The following FBXL5 variants were observed in gnomAD, a reference collection of about 807,000 sequenced individuals.
FBXL5 encodes F-box/LRR-repeat protein 5.
In FBXL5, 26 loss-of-function variants were observed where a neutral mutation model predicts 78.3. That is an observed-to-expected ratio of 0.33 (90% CI 0.24 to 0.46). The LOEUF is 0.46. Among genes scored for constraint, FBXL5 ranks in the 20% least tolerant of loss-of-function variants. FBXL5 has a pLI of 1.00. For synonymous variants in FBXL5, 295 were observed against 282.5 expected, an observed-to-expected ratio of 1.04 and a Z score of -0.45; for missense variants, 710 against 829.2, an observed-to-expected ratio of 0.86 and a Z score of 1.77.
chr4:15,655,212 A>G lies in FBXL5; in HGVS notation c.76T>C (p.Cys26Arg). ...GCTCAGCGCTCCGTTACCTTGTCGC[A>G]GTAGAGCCCCACCAGCTGCTTCATC... ...WRMKQLVGLY[C>R]DKLSKTNFSN... The change falls in exon 1 of 11, where the codon TGC (cysteine) becomes CGC (arginine). Residue 26 changes from cysteine (C) to arginine (R), a missense_variant. Physicochemically the swap from Cys to Arg is radical, Grantham distance 180. Around this residue, in one of 4 missense-constraint regions of FBXL5, gnomAD observed 132 missense variants for 156.9 expected, o/e 0.84. Transcript: ENST00000341285. The G allele has an allele frequency of 7.0e-7, 1 of 1,428,826 alleles. No individual in the cohort carries two copies. The highest frequency in any genetic ancestry group is 9.3e-7 in the Non-Finnish European group (1 of 1,069,818). The allele number at this position is 1,428,826 out of a possible 1,614,324, so 88.5% of individuals were successfully genotyped here. A position where few individuals can be genotyped will look rare whatever the true frequency, so the allele number is the denominator to read the frequency against.
At chr4:15,620,843 G>C (rs944896455) in intron 9 of FBXL5, among the ~76,000 whole-genome samples, 1 of 152,198 alleles carries the variant, frequency 6.6e-6, no homozygotes, top group East Asian at 1.9e-4. Context: ...TTGCATGAGC[G>C]ATTTATGCCT....
rs1717641998 is a variant in FBXL5 at position 15,668,601 on chromosome 4, ATAATT to A, written c.-283-8684_-283-8680del. Among the ~76,000 whole-genome samples, 8 of 152,338 alleles carry A rather than the reference ATAATT, an allele frequency of 5.3e-5. No individual in the cohort carries two copies. In the South Asian group the frequency reaches 1.7e-3, roughly 32 times the overall value. ...GGAAGTATAAAAGATTATAATGAAGATAATTTAATATGTGCATTTATCAAATGTGT... is the reference window on the plus strand; with the variant it reads ...GGAAGTATAAAAGATTATAATGAAGATAATATGTGCATTTATCAAATGTGT... On this transcript the variant is annotated intron_variant, in intron 1 of 4. Coordinates refer to the FBXL5 transcript ENST00000507899.
intron 1 of FBXL5, among the ~76,000 whole-genome samples, chr4:15,666,329 G>A (rs1174275883): frequency 2.0e-5 from 3 of 151,980 alleles, no homozygotes; most frequent in Non-Finnish European, 2.9e-5. Context: ...AGCCCAGGAT[G>A]GTCCAGCCTG....
chr4:15,655,056 G>T (rs1457193566), intron 1 of FBXL5, 148 bp downstream of exon 1: 2 of 442,560 alleles, frequency 4.5e-6, no homozygotes, highest in Non-Finnish European at 6.6e-6. Context: ...CTGCGGGAGC[G>T]GGCGGCGCTG....
At chr4:15,626,989 G>A (rs62290585) in intron 7 of FBXL5, 34 bp from the exon 8 acceptor site, 1 of 1,428,072 alleles carries the variant, frequency 7.0e-7, no homozygotes, top group Non-Finnish European at 9.7e-7. Flanking sequence ...GTAAAGATCT[G>A]CAGAACTTCA....
At chr4:15,619,695 T>C (rs1291603525) in intron 9 of FBXL5, among the ~76,000 whole-genome samples, 1 of 151,938 alleles carries the variant, frequency 6.6e-6, no homozygotes, top group African/African-American at 2.4e-5. Flanking sequence ...ACATCCAAAT[T>C]GAAAAGGAAT....
chr4:15,681,340 C>G (rs905031265), intron 1 of FBXL5: 1 of 161,074 alleles, frequency 6.2e-6, no homozygotes, highest in Admixed American at 6.5e-5. Context: ...GGGCGCGGGC[C>G]GGGAGCGCTT....
At chr4:15,650,661 C>CTTTTTTTTTTTTTTTTT (rs34334098) in intron 1 of FBXL5, among the ~76,000 whole-genome samples, 1 of 77,884 alleles carries the variant, frequency 1.3e-5, no homozygotes, top group Non-Finnish European at 2.4e-5. Context: ...AACTGACTTT[C>CTTTTTTTTTTTTTTTTT]TTTTTTTTTT....
rs1713325656 is a variant in FBXL5, at chr4:15,628,778, C to CACAG, written c.893-746_893-745insCTGT. Among the ~76,000 whole-genome samples the CACAG allele has an allele frequency of 7.0e-5, 5 of 71,000 alleles. No homozygotes were observed. In the South Asian group the frequency reaches 2.3e-3, roughly 33 times the overall value. The allele number at this position is 71,000 out of a possible 152,430, so 46.6% of individuals were successfully genotyped here. ...CCTCCTTTAGCCAGACACAGACACACACACACACACGCACACACACACACA... is the reference window on the plus strand; with the variant it reads ...CCTCCTTTAGCCAGACACAGACACACACAGACACACACACGCACACACACACACA... On this transcript the variant is annotated intron_variant, in intron 6 of 10. Transcript: ENST00000341285.
intron 1 of FBXL5, among the ~76,000 whole-genome samples, chr4:15,651,799 C>T (rs1249805871): frequency 1.3e-5 from 2 of 152,166 alleles, no homozygotes; most frequent in Non-Finnish European, 2.9e-5. Flanking sequence ...AAGGCCTCCA[C>T]CACTTGAGTT....
intron 5 of FBXL5, among the ~76,000 whole-genome samples, chr4:15,631,124 G>A (rs914027847): frequency 5.3e-5 from 8 of 151,982 alleles, no homozygotes; most frequent in East Asian, 3.9e-4. Context: ...GTGTCCAAGT[G>A]TTCTCTTTGT....
upstream of FBXL5, among the ~76,000 whole-genome samples, chr4:15,660,996 A>G (rs1003908341): frequency 6.6e-6 from 1 of 152,076 alleles, no homozygotes; most frequent in Non-Finnish European, 1.5e-5. Flanking sequence ...AGAATCACTT[A>G]AACCTGAGAG....
intron 9 of FBXL5, among the ~76,000 whole-genome samples, chr4:15,620,748 CG>C (rs755995544): frequency 1.3e-5 from 2 of 152,224 alleles, no homozygotes; most frequent in Admixed American, 6.5e-5. Flanking sequence ...GCTGGAAGGT[CG>C]GGGGTTTACG....
chr4:15,648,470 T>C (rs1237125817), intron 1 of FBXL5, among the ~76,000 whole-genome samples: 1 of 152,200 alleles, frequency 6.6e-6, no homozygotes. Flanking sequence ...AGCCAAGATA[T>C]GGAGCCAACC....
chr4:15,624,600 TAAAAAA>T (rs61627875), intron 9 of FBXL5, among the ~76,000 whole-genome samples: 1 of 130,346 alleles, frequency 7.7e-6, no homozygotes, highest in Non-Finnish European at 1.6e-5. Flanking sequence ...TCTAGGAGGT[TAAAAAA>T]AAAAAAAAAA....
At chr4:15,667,933 C>T (rs1416311286) in intron 1 of FBXL5, among the ~76,000 whole-genome samples, 2 of 151,226 alleles carry the variant, frequency 1.3e-5, no homozygotes, top group Non-Finnish European at 2.9e-5. Context: ...CCCAGCTACT[C>T]GGGAGGTTGT....
chr4:15,637,668 C>T (rs527354776), intron 4 of FBXL5, among the ~76,000 whole-genome samples: 1 of 152,240 alleles, frequency 6.6e-6, no homozygotes, highest in Non-Finnish European at 1.5e-5. Context: ...AGCTTGGTAT[C>T]TAAAGCACAA....
intron 1 of FBXL5, among the ~76,000 whole-genome samples, chr4:15,647,998 C>T (rs890825363): frequency 1.3e-5 from 2 of 152,168 alleles, no homozygotes; most frequent in African/African-American, 4.8e-5. Context: ...GCTGGAACTA[C>T]AGGTGTGGTG....
chr4:15,621,931 T>G (rs1051729270), intron 9 of FBXL5, among the ~76,000 whole-genome samples: 6 of 152,172 alleles, frequency 3.9e-5, no homozygotes, highest in Admixed American at 3.3e-4. Context: ...AGGGCTCAAG[T>G]CATCCTCCCA....
Sources: gnomAD v4.1 joint callset for allele counts (sites outside exome capture counted in the v4.1 genomes callset) on GRCh38, gnomAD v4.1.1 for gene constraint, gnomAD v4.1.1 regional missense constraint, MANE v1.5 for transcripts, NCBI Gene and HGNC (gene_info 2026-07-23, HGNC 2026-07-21) for gene names.